Variants in TRAPPC9 observed in about 807,000 individuals in gnomAD.
TRAPPC9 encodes IKK2 binding protein.
Under a neutral mutation model 124.0 loss-of-function variants are expected in TRAPPC9, and 83 were observed. The observed-to-expected ratio is 0.67, with a 90% CI of 0.56 to 0.80. The LOEUF (loss-of-function observed/expected upper bound fraction) is 0.80. TRAPPC9 is among the 30% of genes least tolerant of loss of function. The probability of loss-of-function intolerance (pLI) is 0.00; values close to 1 mark genes in which losing one functional copy is unlikely to be tolerated. For synonymous variants in TRAPPC9, 638 were observed against 617.5 expected (o/e 1.03, Z -0.49); for missense variants, 1,302 against 1,508.3 (o/e 0.86, Z 2.27).
rs1260294986 is a variant in TRAPPC9, at chr8:139,889,705, C to T, written c.2965-3736G>A. ...AGGAAGCAGAGCGACGCTAAGGAAG[C>T]CCGGAGGAAGCCATAATCAGGAACA... On this transcript the variant is annotated intron_variant, in intron 20 of 22. Coordinates refer to ENST00000438773, the MANE Select transcript of TRAPPC9 (RefSeq NM_001160372.4). Among the ~76,000 whole-genome samples the T allele has an allele frequency of 3.3e-5, 5 of 152,330 alleles. No individual in the cohort carries two copies. In the South Asian group the frequency reaches 1.0e-3, roughly 32 times the overall value.
At chr8:140,211,679 C>A (rs973426895) in intron 17 of TRAPPC9, among the ~76,000 whole-genome samples, 1 of 152,120 alleles carries the variant, frequency 6.6e-6, no homozygotes, top group Non-Finnish European at 1.5e-5. Context: ...CCCAAAAAAC[C>A]CAGAGTTAAG....
At chr8:140,301,993 G>T (rs1439633530) in intron 10 of TRAPPC9, among the ~76,000 whole-genome samples, 1 of 152,214 alleles carries the variant, frequency 6.6e-6, no homozygotes, top group African/African-American at 2.4e-5. Context: ...AGTAAATCAC[G>T]AAGATTTCAG....
rs192653219 is a variant in TRAPPC9 at position 140,165,533 on chromosome 8, T to C, written c.2556+55926A>G. 3.6e-3 allele frequency among the ~76,000 whole-genome samples: 511 copies of C among 140,620 alleles called. 4 individuals are homozygous for C. Among genetic ancestry groups the C allele is most frequent in the African/African-American group, 0.013 (477 of 37,240 alleles). 92.3% of individuals were successfully genotyped at this position (140,620 alleles called of 152,430 possible). Reference sequence around the variant, plus strand: ...CAGCCTGGGTGACAGAATGAGTGTCTGTCAAAAGAAAAAGAAATGAAAGAA... The same window carrying C: ...CAGCCTGGGTGACAGAATGAGTGTCCGTCAAAAGAAAAAGAAATGAAAGAA... On this transcript the variant is annotated intron_variant, in intron 17 of 22. Transcript: ENST00000438773.
At chr8:140,121,033 G>A (rs1176471541) in intron 17 of TRAPPC9, among the ~76,000 whole-genome samples, 17 of 152,260 alleles carry the variant, frequency 1.1e-4, no homozygotes, top group Non-Finnish European at 1.3e-4. Flanking sequence ...GAATACAGAG[G>A]TGAAATTTTT....
chr8:140,293,623 C>A (rs1588108861), intron 11 of TRAPPC9, among the ~76,000 whole-genome samples: 1 of 152,072 alleles, frequency 6.6e-6, no homozygotes, highest in East Asian at 1.9e-4. Flanking sequence ...AAACAAAAAA[C>A]CAAACACTGC....
At chr8:140,179,450 G>A (rs1487364182) in intron 17 of TRAPPC9, among the ~76,000 whole-genome samples, 2 of 151,996 alleles carry the variant, frequency 1.3e-5, no homozygotes, top group Non-Finnish European at 2.9e-5. Flanking sequence ...CTCTGTATGT[G>A]ATTTAAATAT....
At chr8:139,811,954 T>C (rs545256518) in intron 21 of TRAPPC9, among the ~76,000 whole-genome samples, 1 of 152,246 alleles carries the variant, frequency 6.6e-6, no homozygotes, top group East Asian at 1.9e-4. Context: ...GGATCTGGCA[T>C]AGATGAGAGT....
chr8:140,119,196 G>T (rs182063548), intron 17 of TRAPPC9, among the ~76,000 whole-genome samples: 127 of 152,366 alleles, frequency 8.3e-4, no homozygotes, highest in African/African-American at 3.0e-3. Context: ...CACGCCAGGC[G>T]TGGCGTCCTG....
chr8:139,731,087 C>T lies in TRAPPC9; in HGVS notation c.3421G>A (p.Val1141Met), dbSNP rs140157207. 2.4e-4 allele frequency: 383 copies of T among 1,613,412 alleles called. 3 individuals carry two copies. The African/African-American group carries it at 4.3e-3, about 18-fold the overall frequency. The change falls in exon 23 of 23, where the codon GTG becomes ATG. Residue 1141 changes from valine (V) to methionine (M), a missense_variant. By Grantham distance (21) the Val-to-Met change is conservative. Transcript: ENST00000438773. The part of the protein sequence containing the change: ...PSWFCLPSVH[V>M]CALEAQA ...CAGGCCTGCGCCTCCAGGGCACACA[C>T]GTGCACACTGGGCAGGCAGAACCAA...
intron 17 of TRAPPC9, among the ~76,000 whole-genome samples, chr8:140,116,860 G>A (rs778104448): frequency 1.5e-5 from 2 of 135,108 alleles, no homozygotes; most frequent in Non-Finnish European, 3.0e-5. Flanking sequence ...TCAGTAAGTA[G>A]GCGGAGTTCA....
intron 17 of TRAPPC9, among the ~76,000 whole-genome samples, chr8:140,052,736 C>T (rs1198738608): frequency 6.6e-6 from 1 of 151,596 alleles, no homozygotes; most frequent in South Asian, 2.1e-4. Context: ...GAGCAAAGAT[C>T]GCACCACTGC....
chr8:140,007,826 T>C (rs1838858262), intron 18 of TRAPPC9, among the ~76,000 whole-genome samples: 1 of 152,204 alleles, frequency 6.6e-6, no homozygotes, highest in Admixed American at 6.5e-5. Flanking sequence ...TAAAATAAAA[T>C]ATAGATCACG....
At chr8:140,356,107 G>A (rs1216700772) in intron 9 of TRAPPC9, among the ~76,000 whole-genome samples, 1 of 152,170 alleles carries the variant, frequency 6.6e-6, no homozygotes, top group Non-Finnish European at 1.5e-5. Context: ...TTCTGGACAG[G>A]AAGGGCAGGG....
At position 139,730,047 on chromosome 8, in the gene TRAPPC9, C is replaced by T. The variant is rs1817726988; in HGVS notation, c.*1014G>A. 6.6e-6 allele frequency among the ~76,000 whole-genome samples: 1 copy of T among 152,154 alleles called. No homozygotes were observed. The highest frequency in any genetic ancestry group is 1.5e-5 in the Non-Finnish European group (1 of 68,018). On this transcript the variant is annotated 3_prime_UTR_variant, in exon 23 of 23. Transcript: ENST00000438773. The stretch of plus-strand genomic sequence containing the variant: ...AAGGGAGATGTGAGCCGTGTGCTTT[C>T]TCTCTCCGGTCCTCCCTGAGGAACG...
intron 19 of TRAPPC9, among the ~76,000 whole-genome samples, chr8:139,945,340 A>T (rs1194815852): frequency 3.3e-5 from 5 of 152,082 alleles, no homozygotes; most frequent in Non-Finnish European, 7.4e-5. Context: ...CAAGACAAAG[A>T]GTATCAAAGA....
At chr8:139,892,106 G>A (rs1455559226) in intron 20 of TRAPPC9, among the ~76,000 whole-genome samples, 1 of 152,216 alleles carries the variant, frequency 6.6e-6, no homozygotes, top group Non-Finnish European at 1.5e-5. Context: ...GCCGCCACAA[G>A]CACATGCGCC....
At chr8:139,753,001 C>CCAT in intron 21 of TRAPPC9, among the ~76,000 whole-genome samples, 1 of 147,278 alleles carries the variant, frequency 6.8e-6, no homozygotes, top group Non-Finnish European at 1.5e-5. Context: ...CCAACTTCTA[C>CCAT]CCATCCATCC....
chr8:140,076,326 G>A (rs548988691), intron 17 of TRAPPC9, among the ~76,000 whole-genome samples: 46 of 152,274 alleles, frequency 3.0e-4, no homozygotes, highest in African/African-American at 1.1e-3. Flanking sequence ...GCCCTTGCTC[G>A]TCAGTGGGCC....
chr8:140,247,938 T>C (rs2131473095), intron 16 of TRAPPC9, among the ~76,000 whole-genome samples: 1 of 152,342 alleles, frequency 6.6e-6, no homozygotes, highest in Non-Finnish European at 1.5e-5. Flanking sequence ...TCTTTTGTAC[T>C]TCTTCTTCAT....
Sources: allele counts gnomAD v4.1 joint callset (sites outside exome capture counted in the v4.1 genomes callset), GRCh38; gene constraint gnomAD v4.1.1; transcripts MANE v1.5; gene names NCBI Gene and HGNC (gene_info 2026-07-23, HGNC 2026-07-21).